Variants in TKT observed in about 807,000 individuals in gnomAD.
TKT encodes the protein transketolase, also known as epididymis luminal protein 107.
A neutral mutation model predicts 63.9 loss-of-function variants in TKT; 47 were observed. The ratio of observed to expected loss-of-function variants is 0.74; its 90% confidence interval spans 0.58 to 0.94. The LOEUF (loss-of-function observed/expected upper bound fraction) is 0.94, where lower values mean the gene tolerates loss of function less well. Ranked by LOEUF, TKT falls within the 40% of genes least tolerant of loss-of-function variation. The probability of loss-of-function intolerance (pLI) is 0.00; values close to 1 mark genes in which losing one functional copy is unlikely to be tolerated. For synonymous variants in TKT, 338 were observed against 334.1 expected (o/e 1.01, Z -0.13); for missense variants, 721 against 846.2 (o/e 0.85, Z 1.84).
chr3:53,247,713 T>C (rs2106722247), intron 1 of TKT, among the ~76,000 whole-genome samples: 1 of 151,806 alleles, frequency 6.6e-6, no homozygotes, highest in Admixed American at 6.6e-5. Flanking sequence ...GAAGCAGTTC[T>C]TGCTCTTCCT....
chr3:53,244,178 G>C (rs868977287), intron 1 of TKT, among the ~76,000 whole-genome samples: 6 of 152,196 alleles, frequency 3.9e-5, no homozygotes, highest in Admixed American at 6.5e-5. Flanking sequence ...TCCAAAGGCT[G>C]CATCCAGCCT....
At chr3:53,240,578 C>A (rs1705230293) in intron 3 of TKT, among the ~76,000 whole-genome samples, 2 of 152,252 alleles carry the variant, frequency 1.3e-5, no homozygotes, top group South Asian at 4.1e-4. Context: ...AGGCCTCAGG[C>A]AAGGGACTGA....
chr3:53,233,121 G>T, intron 6 of TKT, 35 bp downstream of exon 6: 1 of 1,579,820 alleles, frequency 6.3e-7, no homozygotes, highest in Non-Finnish European at 8.7e-7. Flanking sequence ...CTGGGCGAGG[G>T]GTGAAGGTGG....
chr3:53,225,799 T>C lies in TKT; in HGVS notation c.1829A>G (p.Asp610Gly). ...GCCCCTCACAGCTTGTGCAATGGCA[T>C]CCCTGTCGATACCAAACATCTTCAG... ...ELLKMFGIDR[D>G]AIAQAVRGLI... Residue 610 changes from aspartate (D) to glycine (G), a missense_variant, in exon 14 of 14, where the codon GAT becomes GGT. Asp to Gly is a moderately conservative substitution (Grantham distance 94). Coordinates refer to ENST00000462138, the MANE Select transcript of TKT (RefSeq NM_001064.4). 6.2e-7 allele frequency: 1 copy of C among 1,614,098 alleles called. No individual in the cohort carries two copies. Among genetic ancestry groups the C allele is most frequent in the Non-Finnish European group, 8.5e-7 (1 of 1,179,970 alleles).
chr3:53,228,367 C>T lies in TKT; in HGVS notation c.1396-8G>A, dbSNP rs1553676070. On this transcript the variant is annotated splice_region_variant and splice_polypyrimidine_tract_variant and intron_variant, in intron 10 of 13. Transcript: ENST00000462138. ...CCGGATGAAGCAGATACCCTGAGAC[C>T]GAAACAGATAAACTGAGGATACAGG... 6.2e-6 allele frequency: 10 copies of T among 1,613,750 alleles called. No individual in the cohort carries two copies. The highest frequency in any genetic ancestry group is 6.8e-6 in the Non-Finnish European group (8 of 1,179,974).
In TKT at chr3:53,242,131, G is replaced by A. The variant is rs782738598; in HGVS notation, c.219C>T (p.Leu73=). 2.5e-6 allele frequency: 4 copies of A among 1,613,874 alleles called. No individual in the cohort carries two copies. The African/African-American group carries it at 5.3e-5, about 22-fold the overall frequency. Residue 73 remains leucine, a synonymous_variant, in exon 2 of 14, where the codon CTC becomes CTT. Transcript: ENST00000462138. Reference sequence around the variant, plus strand: ...TGGGCAGCTGGGCTCTTACCTTGGAGAGCACAAAGCGGTCATTGTGCGGAT... The same window carrying A: ...TGGGCAGCTGGGCTCTTACCTTGGAAAGCACAAAGCGGTCATTGTGCGGAT... The part of the protein sequence containing the change: ...PRNPHNDRFV[L]SKGHAAPILY...
At chr3:53,241,275 C>A in intron 2 of TKT, 30 bp from the exon 3 acceptor site, 2 of 1,580,424 alleles carry the variant, frequency 1.3e-6, no homozygotes, top group South Asian at 2.3e-5. Context: ...GGGGTGAGGT[C>A]AGGTGGGGAG....
intron 6 of TKT, 141 bp downstream of exon 6, chr3:53,233,015 C>A: frequency 1.4e-6 from 1 of 707,596 alleles, no homozygotes. Context: ...TGAGTCACAG[C>A]ATCTCCCGCT....
intron 1 of TKT, among the ~76,000 whole-genome samples, chr3:53,245,717 G>A (rs944979297): frequency 2.0e-5 from 3 of 151,762 alleles, no homozygotes; most frequent in South Asian, 2.1e-4. Context: ...CCCCGGAGGC[G>A]TGGGTTGCAA....
At chr3:53,238,871 G>A (rs1288340166) in intron 4 of TKT, among the ~76,000 whole-genome samples, 2 of 152,234 alleles carry the variant, frequency 1.3e-5, no homozygotes, top group African/African-American at 2.4e-5. Context: ...TACAGCACAT[G>A]AGCACTGAGC....
intron 6 of TKT, 63 bp downstream of exon 6, chr3:53,233,093 G>T: frequency 1.4e-6 from 2 of 1,414,852 alleles, no homozygotes; most frequent in Non-Finnish European, 2.0e-6. Context: ...GCGGGTCAGA[G>T]CTACGTAGCC....
intron 1 of TKT, among the ~76,000 whole-genome samples, chr3:53,251,469 G>T (rs1311648584): frequency 6.6e-6 from 1 of 152,134 alleles, no homozygotes; most frequent in East Asian, 1.9e-4. Context: ...CACTGTGGGC[G>T]CTGCCTCAAC....
At chr3:53,251,327 C>T (rs1232964362) in intron 1 of TKT, among the ~76,000 whole-genome samples, 1 of 152,234 alleles carries the variant, frequency 6.6e-6, no homozygotes, top group Non-Finnish European at 1.5e-5. Flanking sequence ...GAAATCTTTG[C>T]CACCAGCCTC....
intron 1 of TKT, among the ~76,000 whole-genome samples, chr3:53,244,803 G>A (rs1705435055): frequency 6.6e-6 from 1 of 151,408 alleles, no homozygotes; most frequent in African/African-American, 2.4e-5. Flanking sequence ...ATGGGGTGAG[G>A]AGCACGGTGG....
chr3:53,226,707 C>T, intron 13 of TKT, 49 bp downstream of exon 13: 2 of 1,613,142 alleles, frequency 1.2e-6, no homozygotes, highest in Non-Finnish European at 1.7e-6. Context: ...CAACGCTCGG[C>T]TCTCTGGCCC....
At chr3:53,242,403 T>C (rs1456602219) in intron 1 of TKT, among the ~76,000 whole-genome samples, 161 bp from the exon 2 acceptor site, 1 of 152,042 alleles carries the variant, frequency 6.6e-6, no homozygotes, top group African/African-American at 2.4e-5. Context: ...GGGTGACACA[T>C]GGTCTCAAGA....
In TKT at chr3:53,241,218, C is replaced by T; in HGVS notation, c.253G>A (p.Val85Ile). Residue 85 changes from valine (V) to isoleucine (I), a missense_variant, in exon 3 of 14, where the codon GTC becomes ATC. Val to Ile is a conservative substitution (Grantham distance 29). Coordinates refer to ENST00000462138, the MANE Select transcript of TKT (RefSeq NM_001064.4). ...KGHAAPILYA[V>I]WAEAGFLAEA... is the part of the protein sequence containing the mutation. ...GCCAGGAAACCAGCTTCAGCCCAGA[C>T]CGCGTAGAGGATGGGAGCTGCATGG... is the stretch of plus-strand genomic sequence containing the variant. 6.2e-7 allele frequency: 1 copy of T among 1,601,520 alleles called. No individual in the cohort carries two copies. Among genetic ancestry groups the T allele is most frequent in the Non-Finnish European group, 8.5e-7 (1 of 1,175,376 alleles).
chr3:53,230,382 C>T (rs1317436853), intron 8 of TKT, 75 bp downstream of exon 8: 24 of 1,588,602 alleles, frequency 1.5e-5, no homozygotes, highest in Non-Finnish European at 2.1e-5. Flanking sequence ...GCTCTGCCAA[C>T]ATGGCTGCCC....
At chr3:53,237,292 G>A (rs1316703302) in intron 4 of TKT, among the ~76,000 whole-genome samples, 3 of 152,030 alleles carry the variant, frequency 2.0e-5, no homozygotes, top group African/African-American at 7.3e-5. Context: ...GGAAGCTGAG[G>A]CAGGAGAATT....
Sources: allele counts gnomAD v4.1 joint callset (sites outside exome capture counted in the v4.1 genomes callset), GRCh38; gene constraint gnomAD v4.1.1; transcripts MANE v1.5; gene names NCBI Gene and HGNC (gene_info 2026-07-23, HGNC 2026-07-21).